Variants in PTCHD1 observed in about 807,000 individuals in gnomAD.
PTCHD1 encodes patched domain containing 1.
Under a neutral mutation model 34.6 loss-of-function variants are expected in PTCHD1, and 3 were observed. The ratio of observed to expected loss-of-function variants is 0.09; its 90% CI spans 0.04 to 0.22. The LOEUF is 0.22. Among genes scored for constraint, PTCHD1 ranks in the 10% least tolerant of loss-of-function variants. PTCHD1 has a pLI of 1.00. For missense variants in PTCHD1, 504 were observed against 685.5 expected, an observed-to-expected ratio of 0.74 and a Z score of 2.96; for synonymous variants, 305 against 283.1, an observed-to-expected ratio of 1.08 and a Z score of -0.77.
At position 23,356,016 on chromosome X, in the gene PTCHD1, CTT is replaced by C. The variant is rs767836274; in HGVS notation, c.351+20791_351+20792del. 5.0e-3 allele frequency among the ~76,000 whole-genome samples: 563 copies of C among 112,075 alleles called. 2 individuals carry two copies. Among genetic ancestry groups the C allele is most frequent in the African/African-American group, 0.018 (548 of 30,829 alleles). The stretch of plus-strand genomic sequence containing the variant: ...TCCTTTCCCACATGTTCTGTTTCCT[CTT>C]GTTTGTTTGCTTTTTTGTTTGCTTG... On this transcript the variant is annotated intron_variant, in intron 1 of 2. Coordinates refer to ENST00000379361, the MANE Select transcript of PTCHD1 (RefSeq NM_173495.3).
Position 23,396,806 on chromosome X carries a change from A to G in PTCHD1, c.*2621A>G, listed in dbSNP as rs1923000877. On this transcript the variant is annotated 3_prime_UTR_variant, in exon 3 of 3. Transcript: ENST00000379361. ...AAATGAATTTTTCTATTGGGAGATT[A>G]TGCATGCCAAGATTTATTATTTATT... The G allele has an allele frequency of 8.9e-6, 1 of 112,335 alleles. No homozygotes were observed. 9.3% of individuals were successfully genotyped at this position (112,335 alleles called of 1,213,427 possible).
intron 2 of PTCHD1, among the ~76,000 whole-genome samples, chrX:23,383,791 A>G (rs955135280): frequency 6.2e-5 from 7 of 112,257 alleles, no homozygotes; most frequent in Admixed American, 3.8e-4. Context: ...TAGTTACTCT[A>G]ATTTGGAGAA....
At chrX:23,342,290 A>T (rs1601901600) in intron 1 of PTCHD1, among the ~76,000 whole-genome samples, 1 of 5,990 alleles carries the variant, frequency 1.7e-4, no homozygotes, top group Non-Finnish European at 2.1e-4. Context: ...ATATATATAT[A>T]TATATATATA....
At chrX:23,391,632 C>T (rs1235734361) in intron 2 of PTCHD1, among the ~76,000 whole-genome samples, 1 of 111,089 alleles carries the variant, frequency 9.0e-6, no homozygotes, top group African/African-American at 3.3e-5. Context: ...CACTAAAACC[C>T]TCTAGTTGGC....
chrX:23,392,472 T>A, intron 2 of PTCHD1, 59 bp from the exon 3 acceptor site: 1 of 798,848 alleles, frequency 1.3e-6, no homozygotes, highest in Non-Finnish European at 1.9e-6. Context: ...TCAAGTTGAT[T>A]TCCCTCTTAA....
intron 1 of PTCHD1, among the ~76,000 whole-genome samples, chrX:23,375,390 C>T (rs1347038885): frequency 3.7e-5 from 4 of 108,966 alleles, no homozygotes; most frequent in Non-Finnish European, 7.6e-5. Context: ...TCCGGGTTCA[C>T]GCCATTCTCC....
intron 2 of PTCHD1, among the ~76,000 whole-genome samples, chrX:23,382,989 G>A (rs780073487): frequency 4.8e-4 from 54 of 112,122 alleles, no homozygotes; most frequent in Non-Finnish European, 9.2e-4. Flanking sequence ...ATATAAGCAA[G>A]AACAGCTTCA....
At chrX:23,341,506 C>T (rs370563906) in intron 1 of PTCHD1, among the ~76,000 whole-genome samples, 2 of 112,027 alleles carry the variant, frequency 1.8e-5, no homozygotes, top group East Asian at 5.6e-4. Flanking sequence ...TCAGTGTGAG[C>T]CCCAAGTGAT....
At chrX:23,390,879 T>C (rs973554379) in intron 2 of PTCHD1, among the ~76,000 whole-genome samples, 2 of 112,259 alleles carry the variant, frequency 1.8e-5, no homozygotes, top group African/African-American at 6.5e-5. Flanking sequence ...TTTAAATTCC[T>C]TTTTAAATAC....
rs188961289 is a variant in PTCHD1, at chrX:23,402,767, C to A, written c.*8582C>A. 3 of 112,364 alleles carry A rather than the reference C, an allele frequency of 2.7e-5. No individual in the cohort carries two copies. The Admixed American group carries it at 2.8e-4, about 11-fold the overall frequency. 9.3% of individuals were successfully genotyped at this position (112,364 alleles called of 1,213,427 possible). ...AATTTCAGCTTGGTTTTAGTAATTT[C>A]TTGATCAAACTTCTCTCATTCCTCT... On this transcript the variant is annotated 3_prime_UTR_variant, in exon 3 of 3. Transcript: ENST00000379361.
In PTCHD1 at chrX:23,394,514, A is replaced by T. The variant is rs1040456159; in HGVS notation, c.*329A>T. 5.4e-6 allele frequency: 1 copy of T among 183,994 alleles called. No homozygotes were observed. The highest frequency in any genetic ancestry group is 9.9e-6 in the Non-Finnish European group (1 of 100,757). The allele number at this position is 183,994 out of a possible 1,213,427, so 15.2% of individuals were successfully genotyped here. A position where few individuals can be genotyped will look rare whatever the true frequency, so the allele number is the denominator to read the frequency against. ...AGAAGAAAGCTTATTAACAAGCAGG[A>T]TCCTGCCTTATCCAAACTGCAGATG... is the stretch of plus-strand genomic sequence containing the variant. On this transcript the variant is annotated 3_prime_UTR_variant, in exon 3 of 3. Transcript: ENST00000379361.
At chrX:23,351,446 A>G (rs898038302) in intron 1 of PTCHD1, 7 of 544,672 alleles carry the variant, frequency 1.3e-5, no homozygotes, top group Middle Eastern at 5.5e-4. Context: ...CTCTTTTGGA[A>G]AACATAATTT....
At chrX:23,383,771 C>T (rs1309310481) in intron 2 of PTCHD1, among the ~76,000 whole-genome samples, 4 of 111,916 alleles carry the variant, frequency 3.6e-5, no homozygotes, top group Admixed American at 9.5e-5. Flanking sequence ...AAATGTTCAT[C>T]GACATTTTTT....
chrX:23,368,986 C>A (rs1813151254), intron 1 of PTCHD1, among the ~76,000 whole-genome samples: 1 of 111,443 alleles, frequency 9.0e-6, no homozygotes, highest in African/African-American at 3.3e-5. Flanking sequence ...ATCGCTTGAA[C>A]CCAGGAGGCA....
chrX:23,383,262 A>G (rs375734647), intron 2 of PTCHD1, among the ~76,000 whole-genome samples: 2 of 112,398 alleles, frequency 1.8e-5, no homozygotes, highest in Non-Finnish European at 3.8e-5. Context: ...TTTAAAAGGT[A>G]AAGTATCTTA....
intron 1 of PTCHD1, among the ~76,000 whole-genome samples, chrX:23,372,467 C>A (rs1228141631): frequency 9.0e-6 from 1 of 110,848 alleles, no homozygotes; most frequent in Non-Finnish European, 1.9e-5. Context: ...TTCATAGGTT[C>A]ATTGTTTTGT....
At chrX:23,387,473 A>G (rs1454736321) in intron 2 of PTCHD1, among the ~76,000 whole-genome samples, 5 of 112,322 alleles carry the variant, frequency 4.5e-5, no homozygotes, top group Non-Finnish European at 9.4e-5. Flanking sequence ...AGTTAACAAC[A>G]CATTCAGATA....
intron 1 of PTCHD1, among the ~76,000 whole-genome samples, chrX:23,337,517 C>CT (rs35578499): frequency 4.2e-4 from 43 of 102,416 alleles, no homozygotes; most frequent in East Asian, 1.2e-3. Flanking sequence ...GGAGTGAGCA[C>CT]TTTTTTTTTT....
At position 23,353,588 on chromosome X, in the gene PTCHD1, T is replaced by TCAAAA. The variant is rs748500272; in HGVS notation, c.351+18383_351+18387dup. On this transcript the variant is annotated intron_variant, in intron 1 of 2. Coordinates refer to ENST00000379361, the MANE Select transcript of PTCHD1 (RefSeq NM_173495.3). ...TGGGCAACAACAGCAAAACTCTGTC[T>TCAAAA]CAAAACAAAACAAAACAAAACAAAA... 7.3e-3 allele frequency among the ~76,000 whole-genome samples: 661 copies of TCAAAA among 90,874 alleles called. 9 individuals carry two copies. The highest frequency in any genetic ancestry group is 7.4e-3 in the Non-Finnish European group (351 of 47,623). 78.9% of individuals were successfully genotyped at this position (90,874 alleles called of 115,157 possible). A position where few individuals can be genotyped will look rare whatever the true frequency, so the allele number is the denominator to read the frequency against.
Sources: gnomAD v4.1 joint callset for allele counts (sites outside exome capture counted in the v4.1 genomes callset) on GRCh38, gnomAD v4.1.1 for gene constraint, MANE v1.5 for transcripts, NCBI Gene and HGNC (gene_info 2026-07-23, HGNC 2026-07-21) for gene names.